Variants in POC1B observed in about 807,000 individuals in gnomAD.
POC1B encodes the protein POC1 centriolar protein homolog B.
Under a neutral mutation model 60.6 loss-of-function variants are expected in POC1B, and 44 were observed. The ratio of observed to expected loss-of-function variants is 0.73; its 90% CI spans 0.57 to 0.93. The LOEUF (loss-of-function observed/expected upper bound fraction) is 0.93, where lower values mean the gene tolerates loss of function less well. Ranked by LOEUF, POC1B falls within the 40% of genes least tolerant of loss-of-function variation. The pLI is 0.00. For synonymous variants in POC1B, 180 were observed against 198.9 expected, an observed-to-expected ratio of 0.90 and a Z score of 0.80; for missense variants, 555 against 572.3, an observed-to-expected ratio of 0.97 and a Z score of 0.31.
At chr12:89,487,649 C>T (rs1950633273) in intron 4 of POC1B, among the ~76,000 whole-genome samples, 1 of 152,166 alleles carries the variant, frequency 6.6e-6, no homozygotes. Context: ...CATATGCTCC[C>T]TGTGTTCTGA....
intron 4 of POC1B, among the ~76,000 whole-genome samples, chr12:89,486,355 G>A (rs946129554): frequency 1.3e-5 from 2 of 152,136 alleles, no homozygotes; most frequent in East Asian, 3.8e-4. Flanking sequence ...CTTTCTTGGA[G>A]GAAGAGATGC....
chr12:89,501,301 T>C (rs1869553603), intron 2 of POC1B: 3 of 1,003,348 alleles, frequency 3.0e-6, no homozygotes, highest in Admixed American at 1.8e-5. Context: ...ATCTACAAAA[T>C]ATGAAATGTA....
chr12:89,409,534 C>G, the POC1B span, among the ~76,000 whole-genome samples: 1 of 151,504 alleles, frequency 6.6e-6, no homozygotes, highest in Non-Finnish European at 1.5e-5. Flanking sequence ...AGCCTTGTAT[C>G]ATATAAAATA....
At position 89,525,163 on chromosome 12, in the gene POC1B, A is replaced by G; in HGVS notation, c.57T>C (p.Ala19=). The G allele has an allele frequency of 6.2e-7, 1 of 1,613,930 alleles. No homozygotes were observed. The highest frequency in any genetic ancestry group is 1.1e-5 in the South Asian group (1 of 91,086). ...VLERYFKGHK[A]AITSLDLSPN... ...GGCTGAGGTCCAAGGAGGTGATCGCAGCTTTGTGGCCTTTGAAATAACGCT... is the reference window on the plus strand; with the variant it reads ...GGCTGAGGTCCAAGGAGGTGATCGCGGCTTTGTGGCCTTTGAAATAACGCT... The change falls in exon 2 of 12, where the codon GCT becomes GCC. Residue 19 remains alanine (A), a synonymous_variant. Transcript: ENST00000313546.
At position 89,420,838 on chromosome 12, in the gene POC1B, G is replaced by A. The variant is rs111556856; in HGVS notation, c.*315C>T. The stretch of plus-strand genomic sequence containing the variant: ...CAGAGATCTGGTTACTTTCCTGGCA[G>A]GATTTGGCCTATAAATGAAAATGGA... On this transcript the variant is annotated 3_prime_UTR_variant, in exon 12 of 12. Transcript: ENST00000313546. The A allele has an allele frequency of 0.026, 5,756 of 217,502 alleles. 109 individuals are homozygous for A. The highest frequency in any genetic ancestry group is 0.036 in the Non-Finnish European group (3,948 of 109,226). The allele number at this position is 217,502 out of a possible 1,614,324, so 13.5% of individuals were successfully genotyped here. A position where few individuals can be genotyped will look rare whatever the true frequency, so the allele number is the denominator to read the frequency against.
chr12:89,403,168 C>T, the POC1B span, among the ~76,000 whole-genome samples: 1 of 151,486 alleles, frequency 6.6e-6, no homozygotes, highest in Non-Finnish European at 1.5e-5. Context: ...CCACCACACC[C>T]AGCTAATTTT....
At chr12:89,453,248 T>C (rs1882125904) in intron 10 of POC1B, among the ~76,000 whole-genome samples, 1 of 152,240 alleles carries the variant, frequency 6.6e-6, no homozygotes, top group Non-Finnish European at 1.5e-5. Context: ...TTAAGCATCT[T>C]AGGGCTTAAC....
Position 89,470,482 on chromosome 12 carries a change from C to T in POC1B, c.689G>A (p.Gly230Glu). 6.2e-7 allele frequency: 1 copy of T among 1,604,982 alleles called. No individual in the cohort carries two copies. The highest frequency in any genetic ancestry group is 8.5e-7 in the Non-Finnish European group (1 of 1,173,816). ...LLQHYQVHSG[G>E]VNCISFHPSG... ...AGGATGGAATGATATGCAATTAACT[C>T]CACCGCTGTGAACTGATTTGTAGAA... The change falls in exon 7 of 12, where the codon GGA (glycine) becomes GAA (glutamate). Residue 230 changes from glycine (G) to glutamate (E), a missense_variant. Gly to Glu is a moderately conservative substitution (Grantham distance 98). Coordinates refer to ENST00000313546, the MANE Select transcript of POC1B (RefSeq NM_172240.3).
At chr12:89,409,292 T>A in the POC1B span, among the ~76,000 whole-genome samples, 1 of 152,248 alleles carries the variant, frequency 6.6e-6, no homozygotes, top group African/African-American at 2.4e-5. Flanking sequence ...CTTGAGTTAA[T>A]TTTTGTATAA....
At chr12:89,459,272 C>A (rs977276757) in intron 10 of POC1B, among the ~76,000 whole-genome samples, 2 of 151,234 alleles carry the variant, frequency 1.3e-5, no homozygotes, top group Non-Finnish European at 2.9e-5. Flanking sequence ...GGTGGGGTGG[C>A]AGGGGGAGGG....
At chr12:89,408,631 C>T in the POC1B span, among the ~76,000 whole-genome samples, 16 of 151,978 alleles carry the variant, frequency 1.1e-4, no homozygotes, top group Non-Finnish European at 1.9e-4. Flanking sequence ...GGACTACAGG[C>T]GCCTGCCACC....
chr12:89,479,020 C>G (rs185994912), intron 4 of POC1B, among the ~76,000 whole-genome samples: 3 of 152,250 alleles, frequency 2.0e-5, no homozygotes, highest in African/African-American at 7.2e-5. Context: ...AAAGATATTT[C>G]TCACCTACAT....
chr12:89,482,747 G>A (rs557370371), intron 4 of POC1B, among the ~76,000 whole-genome samples: 2 of 152,130 alleles, frequency 1.3e-5, no homozygotes, highest in South Asian at 4.2e-4. Context: ...AGTTCTAAAG[G>A]CTAAGTTCAA....
intron 10 of POC1B, among the ~76,000 whole-genome samples, chr12:89,431,412 T>C (rs1364735554): frequency 1.3e-5 from 2 of 151,546 alleles, no homozygotes; most frequent in Non-Finnish European, 2.9e-5. Flanking sequence ...TTATTCCTGA[T>C]GTTCTGAGAT....
At chr12:89,483,962 CAT>C (rs1274484589) in intron 4 of POC1B, among the ~76,000 whole-genome samples, 1 of 152,154 alleles carries the variant, frequency 6.6e-6, no homozygotes, top group Admixed American at 6.5e-5. Flanking sequence ...GGCTGCTTAA[CAT>C]ATTGTGAGCT....
rs570073083 is a variant in POC1B, at chr12:89,464,090, T to G, written c.1032+2680A>C. On this transcript the variant is annotated intron_variant, in intron 9 of 11. Transcript: ENST00000313546. ...GAGAAAGAAAAATTCATCAGTTCAC[T>G]TAGATACCATTTATTCTACATATTT... Among the ~76,000 whole-genome samples the G allele has an allele frequency of 4.6e-5, 7 of 152,312 alleles. 1 individual carries two copies. In the South Asian group the frequency reaches 1.4e-3, roughly 32 times the overall value.
the POC1B span, among the ~76,000 whole-genome samples, chr12:89,401,836 G>A: frequency 6.6e-6 from 1 of 152,236 alleles, no homozygotes; most frequent in Admixed American, 6.5e-5. Context: ...GCATGGGTCA[G>A]CCATGCTGTA....
At chr12:89,466,732 T>G in intron 9 of POC1B, 38 bp downstream of exon 9, 8 of 1,552,344 alleles carry the variant, frequency 5.2e-6, no homozygotes, top group Non-Finnish European at 7.0e-6. Context: ...CCTCAAAATG[T>G]ACACAAAATG....
Position 89,525,906 on chromosome 12 carries a change from G to A in POC1B, c.-11C>T, listed in dbSNP as rs1035329028. The A allele has an allele frequency of 6.7e-7, 1 of 1,485,252 alleles. No homozygotes were observed. Among genetic ancestry groups the A allele is most frequent in the Non-Finnish European group, 9.0e-7 (1 of 1,111,360 alleles). The allele number at this position is 1,485,252 out of a possible 1,614,324, so 92.0% of individuals were successfully genotyped here. A position where few individuals can be genotyped will look rare whatever the true frequency, so the allele number is the denominator to read the frequency against. ...CGTGGCTGAGGCCATCGGGGGAGTG[G>A]TCGGCCCAAGGCTCCTGTGGGTGGG... On this transcript the variant is annotated 5_prime_UTR_variant, in exon 1 of 12. Transcript: ENST00000313546.
Sources: gnomAD v4.1 joint callset for allele counts (sites outside exome capture counted in the v4.1 genomes callset) on GRCh38, gnomAD v4.1.1 for gene constraint, MANE v1.5 for transcripts, NCBI Gene and HGNC (gene_info 2026-07-23, HGNC 2026-07-21) for gene names.